Variants in DPYD observed in about 807,000 individuals in gnomAD.
The protein encoded by DPYD is dihydropyrimidine dehydrogenase [NADP(+)].
Under a neutral mutation model 116.2 loss-of-function variants are expected in DPYD, and 109 were observed. That is an observed-to-expected ratio of 0.94 (90% CI 0.80 to 1.10). The LOEUF is 1.10. Among genes scored for constraint, DPYD ranks in the 50% least tolerant of loss-of-function variants. The pLI is 0.00. For synonymous variants in DPYD, 440 were observed against 432.0 expected, an observed-to-expected ratio of 1.02 and a Z score of -0.23; for missense variants, 1,302 against 1,254.5, an observed-to-expected ratio of 1.04 and a Z score of -0.57.
At position 97,720,722 on chromosome 1, in the gene DPYD, G is replaced by A. The variant is rs953826892; in HGVS notation, c.483+788C>T. ...TCATTAACTAAAAATCTAGGTTGAC[G>A]GGCACTTAATTTGACCTTCTAGCCA... is the stretch of plus-strand genomic sequence containing the variant. On this transcript the variant is annotated intron_variant, in intron 5 of 22. Transcript: ENST00000370192. The A allele has an allele frequency of 1.6e-5, 22 of 1,417,704 alleles. No individual in the cohort carries two copies. In the East Asian group the frequency reaches 1.9e-4, roughly 12 times the overall value. The allele number at this position is 1,417,704 out of a possible 1,614,324, so 87.8% of individuals were successfully genotyped here. A position where few individuals can be genotyped will look rare whatever the true frequency, so the allele number is the denominator to read the frequency against.
chr1:97,385,587 A>G lies in DPYD; in HGVS notation c.1906-3126T>C, dbSNP rs552460817. 4.0e-5 allele frequency among the ~76,000 whole-genome samples: 6 copies of G among 151,856 alleles called. No homozygotes were observed. In the East Asian group the frequency reaches 5.8e-4, roughly 15 times the overall value. On this transcript the variant is annotated intron_variant, in intron 14 of 22. Transcript: ENST00000370192. The stretch of plus-strand genomic sequence containing the variant: ...AACCACAAAACCCCCACCTCCTAAC[A>G]TAACAAAATAATCCCCCAATTCACA...
chr1:97,576,848 T>G (rs557766859), intron 10 of DPYD, among the ~76,000 whole-genome samples: 23 of 152,330 alleles, frequency 1.5e-4, no homozygotes, highest in African/African-American at 5.0e-4. Context: ...TTGGAGATTT[T>G]CTTCACTCAC....
At chr1:97,458,872 A>G (rs1416364874) in intron 13 of DPYD, among the ~76,000 whole-genome samples, 1 of 152,164 alleles carries the variant, frequency 6.6e-6, no homozygotes, top group African/African-American at 2.4e-5. Flanking sequence ...CTCTGAAAGA[A>G]TTTACTTTAC....
chr1:97,500,707 T>C (rs910809640), intron 13 of DPYD, among the ~76,000 whole-genome samples: 1 of 152,068 alleles, frequency 6.6e-6, no homozygotes, highest in Non-Finnish European at 1.5e-5. Context: ...ACTCACGTAA[T>C]TTAGGCTTCA....
chr1:97,524,780 C>A (rs6685658), intron 12 of DPYD, among the ~76,000 whole-genome samples: 4,753 of 152,116 alleles, frequency 0.031, 268 homozygotes, highest in African/African-American at 0.11. Flanking sequence ...TAATTTACAC[C>A]CCCAAATTTC....
At chr1:97,526,276 G>A (rs1309786060) in intron 12 of DPYD, among the ~76,000 whole-genome samples, 4 of 152,026 alleles carry the variant, frequency 2.6e-5, no homozygotes, top group Non-Finnish European at 5.9e-5. Context: ...AAGATTTTTC[G>A]TGCTTTGTCC....
chr1:97,381,307 T>C (rs1280741515), intron 15 of DPYD, among the ~76,000 whole-genome samples: 1 of 152,186 alleles, frequency 6.6e-6, no homozygotes, highest in East Asian at 1.9e-4. Flanking sequence ...ATGTTGTCTA[T>C]TTAAAAATTA....
At chr1:97,284,788 C>T (rs1357874820) in intron 18 of DPYD, among the ~76,000 whole-genome samples, 1 of 152,140 alleles carries the variant, frequency 6.6e-6, no homozygotes, top group African/African-American at 2.4e-5. Context: ...ATTCCTATGG[C>T]TATCCTTCAC....
chr1:97,201,980 A>G (rs1659240053), intron 19 of DPYD, among the ~76,000 whole-genome samples: 1 of 151,094 alleles, frequency 6.6e-6, no homozygotes, highest in South Asian at 2.1e-4. Flanking sequence ...CCCCAAAAGG[A>G]GAGGGCTTAT....
intron 16 of DPYD, among the ~76,000 whole-genome samples, chr1:97,371,596 G>A (rs1473187326): frequency 1.3e-5 from 2 of 152,212 alleles, no homozygotes; most frequent in Non-Finnish European, 2.9e-5. Flanking sequence ...CAGAAAGTCA[G>A]AGTCACAGAA....
chr1:97,116,779 G>C (rs1651998025), intron 20 of DPYD, among the ~76,000 whole-genome samples: 1 of 151,986 alleles, frequency 6.6e-6, no homozygotes, highest in Non-Finnish European at 1.5e-5. Context: ...ATTAATTTTT[G>C]TACACAATCT....
At chr1:97,738,686 GGA>G (rs1386632846) in intron 4 of DPYD, among the ~76,000 whole-genome samples, 1 of 149,880 alleles carries the variant, frequency 6.7e-6, no homozygotes, top group African/African-American at 2.5e-5. Context: ...CAAAAAATTA[GGA>G]GAGTTTTTTT....
chr1:97,287,582 C>G (rs983826380), intron 18 of DPYD, among the ~76,000 whole-genome samples: 1 of 152,172 alleles, frequency 6.6e-6, no homozygotes. Context: ...TGGGCTCCAC[C>G]CAGTTGGAGC....
At chr1:97,484,386 T>C (rs1009395131) in intron 13 of DPYD, among the ~76,000 whole-genome samples, 2 of 152,230 alleles carry the variant, frequency 1.3e-5, no homozygotes, top group Non-Finnish European at 2.9e-5. Flanking sequence ...GTTGCTTTTT[T>C]GGGTTTTTGC....
At chr1:97,546,775 A>C in intron 12 of DPYD, 1 of 1,613,118 alleles carries the variant, frequency 6.2e-7, no homozygotes, top group Non-Finnish European at 8.5e-7. Context: ...TGTGTTTCTG[A>C]GATCAGACTC....
rs1450061468 is a variant in DPYD, at chr1:97,673,368, T to C, written c.850+5727A>G. Among the ~76,000 whole-genome samples, 3 of 152,278 alleles carry C rather than the reference T, an allele frequency of 2.0e-5. No homozygotes were observed. The East Asian group carries it at 5.8e-4, about 29-fold the overall frequency. On this transcript the variant is annotated intron_variant, in intron 8 of 22. Transcript: ENST00000370192. ...TTGGAATAGTGTAATACCAAAATTA[T>C]AATAATGTAAAATGTATTCCCCCTG...
chr1:97,645,821 C>T (rs903066620), intron 8 of DPYD, among the ~76,000 whole-genome samples: 6 of 152,098 alleles, frequency 3.9e-5, no homozygotes, highest in African/African-American at 1.4e-4. Context: ...TCACCAAGAA[C>T]AGTCTCCAAA....
At chr1:97,252,254 T>C (rs577831623) in intron 18 of DPYD, among the ~76,000 whole-genome samples, 4 of 152,306 alleles carry the variant, frequency 2.6e-5, no homozygotes, top group African/African-American at 7.2e-5. Context: ...TGCAGGCAAA[T>C]TGGCCAGTGT....
intron 10 of DPYD, among the ~76,000 whole-genome samples, chr1:97,583,877 T>G (rs1218161927): frequency 6.6e-6 from 1 of 152,182 alleles, no homozygotes; most frequent in East Asian, 1.9e-4. Context: ...TAAACATACA[T>G]GTGCATGTGT....
Sources: gnomAD v4.1 joint callset for allele counts (sites outside exome capture counted in the v4.1 genomes callset) on GRCh38, gnomAD v4.1.1 for gene constraint, MANE v1.5 for transcripts, NCBI Gene and HGNC (gene_info 2026-07-23, HGNC 2026-07-21) for gene names.